The following CLEC4D variants were observed in gnomAD, a reference collection of about 807,000 sequenced individuals.
The protein encoded by CLEC4D is C-type lectin domain family 4 member D.
CLEC4D carries 21 observed loss-of-function variants against 21.1 expected under a neutral mutation model. That is an observed-to-expected ratio of 1.00 (90% confidence interval 0.71 to 1.43). The LOEUF (loss-of-function observed/expected upper bound fraction) is 1.43, where lower values mean the gene tolerates loss of function less well. Ranked by LOEUF, CLEC4D falls within the 40% of genes most tolerant of loss-of-function variation. The pLI is 0.00. For missense variants in CLEC4D, 289 were observed against 260.7 expected (o/e 1.11, Z -0.75); for synonymous variants, 85 against 83.1 (o/e 1.02, Z -0.12).
the CLEC4D span, among the ~76,000 whole-genome samples, chr12:8,528,818 G>A: frequency 6.6e-6 from 1 of 151,488 alleles, no homozygotes; most frequent in Non-Finnish European, 1.5e-5. Context: ...TCCATAAATG[G>A]TTATACTATA....
chr12:8,530,244 A>T, the CLEC4D span, among the ~76,000 whole-genome samples: 1 of 152,192 alleles, frequency 6.6e-6, no homozygotes, highest in Non-Finnish European at 1.5e-5. Context: ...CATTAGAAGC[A>T]TTTTCTTTAA....
At chr12:8,527,869 G>A in the CLEC4D span, among the ~76,000 whole-genome samples, 6 of 151,338 alleles carry the variant, frequency 4.0e-5, no homozygotes, top group East Asian at 1.9e-4. Context: ...ACACAGTTCC[G>A]TGGAAAAAGC....
chr12:8,516,468 A>G (rs764114103), intron 2 of CLEC4D, among the ~76,000 whole-genome samples: 14 of 152,264 alleles, frequency 9.2e-5, no homozygotes, highest in Non-Finnish European at 1.8e-4. Context: ...AACAAAGAGA[A>G]AAATGAAATG....
rs753779293 is a variant in CLEC4D at position 8,520,278 on chromosome 12, G to C, written c.437G>C (p.Arg146Thr). 10 of 1,613,922 alleles carry C rather than the reference G, an allele frequency of 6.2e-6. No homozygotes were observed. The African/African-American group carries it at 6.7e-5, about 11-fold the overall frequency. The change falls in exon 5 of 6, where the codon AGA becomes ACA. Residue 146 changes from arginine (R) to threonine (T), a missense_variant. Coordinates refer to ENST00000299665, the MANE Select transcript of CLEC4D (RefSeq NM_080387.5). ...CGGCTTTCCTATTTCCTTGGACTTA[G>C]AGATGAGAATGCCAAAGGTCAGTGG... ...DRRLSYFLGL[R>T]DENAKGQWRW...
In CLEC4D at chr12:8,513,706, AC is replaced by A; in HGVS notation, c.-25del. 1 of 1,006,752 alleles carries A rather than the reference AC, an allele frequency of 9.9e-7. No homozygotes were observed. Among genetic ancestry groups the A allele is most frequent in the Non-Finnish European group, 1.6e-6 (1 of 626,798 alleles). The allele number at this position is 1,006,752 out of a possible 1,614,324, so 62.4% of individuals were successfully genotyped here. The stretch of plus-strand genomic sequence containing the variant: ...AATAGAACAAATTCTTGCCGTCCTG[AC>A]CATTGAACAAGAGACTAATTAGACA... On this transcript the variant is annotated 5_prime_UTR_variant, in exon 1 of 6. Transcript: ENST00000299665.
Position 8,519,104 on chromosome 12 carries a change from A to C in CLEC4D, c.328A>C (p.Arg110=). The C allele has an allele frequency of 6.2e-7, 1 of 1,614,112 alleles. No individual in the cohort carries two copies. The highest frequency in any genetic ancestry group is 8.5e-7 in the Non-Finnish European group (1 of 1,180,002). ...CAACAAGACGTGGGCTGAGAGTGAAAGGAACTGTTCAGGGATGGGGGCCCA... is the reference window on the plus strand; with the variant it reads ...CAACAAGACGTGGGCTGAGAGTGAACGGAACTGTTCAGGGATGGGGGCCCA... ...TDNKTWAESE[R]NCSGMGAHLM... The change falls in exon 4 of 6, where the codon AGG becomes CGG. Residue 110 remains arginine, a synonymous_variant. Coordinates refer to ENST00000299665, the MANE Select transcript of CLEC4D (RefSeq NM_080387.5).
At position 8,515,265 on chromosome 12, in the gene CLEC4D, C is replaced by A; in HGVS notation, c.58C>A (p.Pro20Thr). Reference sequence around the variant, plus strand: ...AGGAGGCATGCATCCCCAGCTGATACCTTCGGTTATTGCTGTAGTTTTCAT... The same window carrying A: ...AGGAGGCATGCATCCCCAGCTGATAACTTCGGTTATTGCTGTAGTTTTCAT... ...LEGGMHPQLI[P>T]SVIAVVFILL... The change falls in exon 2 of 6, where the codon CCT (proline) becomes ACT (threonine). Residue 20 changes from proline (P) to threonine (T), a missense_variant. By Grantham distance (38) the Pro-to-Thr change is conservative (BLOSUM62 -1). Transcript: ENST00000299665. 6.5e-7 allele frequency: 1 copy of A among 1,530,184 alleles called. No individual in the cohort carries two copies. The highest frequency in any genetic ancestry group is 9.1e-7 in the Non-Finnish European group (1 of 1,104,072). The allele number at this position is 1,530,184 out of a possible 1,614,324, so 94.8% of individuals were successfully genotyped here. A position where few individuals can be genotyped will look rare whatever the true frequency, so the allele number is the denominator to read the frequency against.
intron 1 of CLEC4D, 89 bp downstream of exon 1, chr12:8,513,849 G>T: frequency 1.3e-6 from 1 of 749,414 alleles, no homozygotes; most frequent in Non-Finnish European, 2.4e-6. Flanking sequence ...TTTAAAGATT[G>T]TTGATGATGA....
chr12:8,513,980 A>G (rs1403347925), intron 1 of CLEC4D, among the ~76,000 whole-genome samples: 1 of 152,128 alleles, frequency 6.6e-6, no homozygotes, highest in South Asian at 2.1e-4. Flanking sequence ...GAGGGGAGAT[A>G]AAATATATAA....
intron 4 of CLEC4D, among the ~76,000 whole-genome samples, chr12:8,519,887 G>A (rs992152338): frequency 7.2e-5 from 11 of 152,128 alleles, no homozygotes; most frequent in African/African-American, 2.7e-4. Flanking sequence ...GGAATTTAAT[G>A]AAATATGCAC....
chr12:8,519,551 C>A (rs759489517), intron 4 of CLEC4D, among the ~76,000 whole-genome samples: 1 of 152,142 alleles, frequency 6.6e-6, no homozygotes, highest in Non-Finnish European at 1.5e-5. Flanking sequence ...CTCACCTTTG[C>A]GCTTCCAATG....
At chr12:8,526,653 T>C (rs1037819432), downstream of CLEC4D, among the ~76,000 whole-genome samples, 4 of 152,202 alleles carry the variant, frequency 2.6e-5, no homozygotes, top group African/African-American at 7.2e-5. Flanking sequence ...TCATCATAGT[T>C]TTTTATTATC....
At chr12:8,520,100 C>G in intron 4 of CLEC4D, 126 bp from the exon 5 acceptor site, 1 of 1,400,840 alleles carries the variant, frequency 7.1e-7, no homozygotes, top group South Asian at 1.5e-5. Context: ...GATTTGAAAA[C>G]AGATCTATCT....
chr12:8,527,944 C>CT, the CLEC4D span, among the ~76,000 whole-genome samples: 1 of 152,208 alleles, frequency 6.6e-6, no homozygotes, highest in African/African-American at 2.4e-5. Context: ...AGGGGGTTCC[C>CT]TTTCCCCCAT....
At chr12:8,528,250 G>C in the CLEC4D span, among the ~76,000 whole-genome samples, 5 of 152,110 alleles carry the variant, frequency 3.3e-5, no homozygotes, top group Non-Finnish European at 5.9e-5. Flanking sequence ...GCAGAAAACT[G>C]GTGGCATTAT....
chr12:8,516,375 G>T (rs1282628361), intron 2 of CLEC4D, among the ~76,000 whole-genome samples: 1 of 152,094 alleles, frequency 6.6e-6, no homozygotes, highest in Admixed American at 6.5e-5. Flanking sequence ...TAATTCACAT[G>T]TAGATTATAT....
chr12:8,514,234 C>T (rs1206173083), intron 1 of CLEC4D, among the ~76,000 whole-genome samples: 1 of 151,938 alleles, frequency 6.6e-6, no homozygotes, highest in Non-Finnish European at 1.5e-5. Flanking sequence ...TTTACTTTAT[C>T]TCATCACCCT....
the CLEC4D span, among the ~76,000 whole-genome samples, chr12:8,530,168 A>G: frequency 1.3e-5 from 2 of 152,242 alleles, no homozygotes; most frequent in African/African-American, 4.8e-5. Context: ...CAAAGAAGAA[A>G]TGAAAGGAAT....
chr12:8,518,937 A>G lies in CLEC4D; in HGVS notation c.233-72A>G. ...CAAATATTAATTGGATATAGGTAGT[A>G]GAATAGTTATGCAATCTGTTACAGA... On this transcript the variant is annotated intron_variant, in intron 3 of 5. Coordinates refer to ENST00000299665, the MANE Select transcript of CLEC4D (RefSeq NM_080387.5). 2.6e-6 allele frequency: 4 copies of G among 1,541,580 alleles called. No individual in the cohort carries two copies. In the South Asian group the frequency reaches 3.8e-5, roughly 15 times the overall value.
Sources: allele counts gnomAD v4.1 joint callset (sites outside exome capture counted in the v4.1 genomes callset), GRCh38; gene constraint gnomAD v4.1.1; transcripts MANE v1.5; gene names NCBI Gene and HGNC (gene_info 2026-07-23, HGNC 2026-07-21).